Variants in ITPR1 observed in about 807,000 individuals in gnomAD.
ITPR1 encodes inositol 1,4,5-trisphosphate-gated calcium channel ITPR1.
ITPR1 carries 96 observed loss-of-function variants against 318.4 expected under a neutral mutation model. The observed-to-expected ratio is 0.30, with a 90% CI of 0.26 to 0.36. ITPR1 has a LOEUF of 0.36. Ranked by LOEUF, ITPR1 falls within the 10% of genes least tolerant of loss-of-function variation. The pLI is 1.00. For missense variants in ITPR1, 2,440 were observed against 3,460.2 expected (o/e 0.71, Z 7.40); for synonymous variants, 1,312 against 1,289.9 (o/e 1.02, Z -0.37).
chr3:4,507,099 A>AT (rs201789825), intron 2 of ITPR1, among the ~76,000 whole-genome samples: 3,885 of 137,582 alleles, frequency 0.028, 89 homozygotes, highest in African/African-American at 0.063. Flanking sequence ...AAGAGTAGCA[A>AT]TTTTTTTTTT....
chr3:4,673,874 G>A (rs549378995), intron 21 of ITPR1, among the ~76,000 whole-genome samples: 7 of 152,272 alleles, frequency 4.6e-5, no homozygotes, highest in South Asian at 4.1e-4. Flanking sequence ...GAGCCACCGC[G>A]CCTGGCCCCG....
chr3:4,738,109 T>C (rs1197957436), intron 44 of ITPR1, among the ~76,000 whole-genome samples: 2 of 152,056 alleles, frequency 1.3e-5, no homozygotes, highest in Non-Finnish European at 2.9e-5. Context: ...AACTAATGGG[T>C]ACTAGGTTTA....
chr3:4,603,952 T>C (rs1300548079), intron 4 of ITPR1, among the ~76,000 whole-genome samples: 1 of 152,220 alleles, frequency 6.6e-6, no homozygotes, highest in East Asian at 1.9e-4. Flanking sequence ...ACCAATAGTG[T>C]ATAAGTGTTT....
intron 61 of ITPR1, among the ~76,000 whole-genome samples, chr3:4,839,486 G>A (rs2051180908): frequency 6.6e-6 from 1 of 152,284 alleles, no homozygotes; most frequent in South Asian, 2.1e-4. Context: ...AGGGGTGTGT[G>A]TGTGTGTTTT....
intron 4 of ITPR1, among the ~76,000 whole-genome samples, chr3:4,559,624 G>A (rs2086478267): frequency 1.3e-5 from 2 of 152,154 alleles, no homozygotes; most frequent in Admixed American, 6.5e-5. Flanking sequence ...GGACATGCCT[G>A]CCAAAGCATT....
chr3:4,831,354 C>T (rs990977708), intron 60 of ITPR1: 13 of 252,688 alleles, frequency 5.1e-5, no homozygotes, highest in East Asian at 2.6e-4. Context: ...TTGTCTGCTC[C>T]GAGAGAGGAA....
chr3:4,541,780 C>T (rs909736186), intron 4 of ITPR1, among the ~76,000 whole-genome samples: 2 of 152,118 alleles, frequency 1.3e-5, no homozygotes, highest in African/African-American at 4.8e-5. Flanking sequence ...CACGTGCCAC[C>T]ATGCCCAGCT....
chr3:4,645,184 T>C lies in ITPR1; in HGVS notation c.625-203T>C, dbSNP rs370370164. Among the ~76,000 whole-genome samples, 34 of 152,296 alleles carry C rather than the reference T, an allele frequency of 2.2e-4. No homozygotes were observed. In the East Asian group the frequency reaches 6.4e-3, roughly 29 times the overall value. Reference sequence around the variant, plus strand: ...TCATGGTTGGAATGTGCATAGTGATTGGTGCAAATGAACCATTTATTTCCA... The same window carrying C: ...TCATGGTTGGAATGTGCATAGTGATCGGTGCAAATGAACCATTTATTTCCA... On this transcript the variant is annotated intron_variant, in intron 8 of 61. Coordinates refer to ENST00000649015, the MANE Select transcript of ITPR1 (RefSeq NM_001378452.1).
rs748113481 is a variant in ITPR1, at chr3:4,676,611, T to C, written c.2780-3T>C. On this transcript the variant is annotated splice_region_variant and splice_polypyrimidine_tract_variant and intron_variant, in intron 23 of 61. Coordinates refer to ENST00000649015, the MANE Select transcript of ITPR1 (RefSeq NM_001378452.1). ...GACCGTGGTCTCTCCTGGCCTTTCC[T>C]AGGCAGTAACGTGATGAGATCTATT... 2.7e-5 allele frequency: 44 copies of C among 1,613,008 alleles called. No homozygotes were observed. Among genetic ancestry groups the C allele is most frequent in the Non-Finnish European group, 3.6e-5 (43 of 1,179,406 alleles).
intron 35 of ITPR1, among the ~76,000 whole-genome samples, chr3:4,700,919 C>T (rs376393899): frequency 5.9e-5 from 9 of 152,196 alleles, no homozygotes; most frequent in South Asian, 2.1e-4. Context: ...TCAGATCATG[C>T]GAGACTCATT....
At chr3:4,556,799 C>G (rs574010267) in intron 4 of ITPR1, among the ~76,000 whole-genome samples, 2 of 152,060 alleles carry the variant, frequency 1.3e-5, no homozygotes, top group South Asian at 4.1e-4. Context: ...TTTGTGTGGA[C>G]TTATTTTTTC....
At chr3:4,707,469 G>C (rs776641052) in intron 37 of ITPR1, among the ~76,000 whole-genome samples, 1 of 152,224 alleles carries the variant, frequency 6.6e-6, no homozygotes, top group Non-Finnish European at 1.5e-5. Context: ...CCCAAGATGA[G>C]TGTGTGTAGA....
chr3:4,751,841 G>A (rs1467597363), intron 44 of ITPR1, among the ~76,000 whole-genome samples: 1 of 152,174 alleles, frequency 6.6e-6, no homozygotes, highest in Non-Finnish European at 1.5e-5. Flanking sequence ...GGACAGTGAA[G>A]GCGCCTCATG....
chr3:4,703,039 C>G, intron 36 of ITPR1, 89 bp downstream of exon 36: 1 of 1,428,428 alleles, frequency 7.0e-7, no homozygotes, highest in Non-Finnish European at 9.6e-7. Flanking sequence ...CTCATTACAA[C>G]TCTTCTAAAG....
intron 30 of ITPR1, 96 bp from the exon 31 acceptor site, chr3:4,688,399 C>T: frequency 6.7e-7 from 1 of 1,483,722 alleles, no homozygotes; most frequent in South Asian, 1.2e-5. Flanking sequence ...CCAGCAAACA[C>T]CTTCTGACTC....
intron 59 of ITPR1, chr3:4,816,145 A>G (rs1445486100): frequency 3.3e-5 from 5 of 152,186 alleles, no homozygotes; most frequent in African/African-American, 9.7e-5. Context: ...ATTAAAACAG[A>G]TCCAATACTG....
intron 52 of ITPR1, among the ~76,000 whole-genome samples, chr3:4,792,432 C>T (rs2047625486): frequency 6.6e-6 from 1 of 152,194 alleles, no homozygotes; most frequent in African/African-American, 2.4e-5. Context: ...TTTATTTCCT[C>T]ACAGTTTCTT....
chr3:4,574,133 G>C lies in ITPR1; in HGVS notation c.163+53039G>C, dbSNP rs190166493. Among the ~76,000 whole-genome samples the C allele has an allele frequency of 6.6e-5, 10 of 152,122 alleles. No individual in the cohort carries two copies. In the East Asian group the frequency reaches 1.9e-3, roughly 29 times the overall value. Reference sequence around the variant, plus strand: ...CTACCATTTCTAGCCAATTTCTCCAGCTAGAAATAATTTATGGGCTATTAT... The same window carrying C: ...CTACCATTTCTAGCCAATTTCTCCACCTAGAAATAATTTATGGGCTATTAT... On this transcript the variant is annotated intron_variant, in intron 4 of 61. Transcript: ENST00000649015.
chr3:4,645,028 T>C (rs573587732), intron 8 of ITPR1, among the ~76,000 whole-genome samples: 6 of 152,244 alleles, frequency 3.9e-5, no homozygotes, highest in Non-Finnish European at 8.8e-5. Context: ...CTCATTTTTT[T>C]TCCCTTTATG....
Sources: gnomAD v4.1 joint callset for allele counts (sites outside exome capture counted in the v4.1 genomes callset) on GRCh38, gnomAD v4.1.1 for gene constraint, MANE v1.5 for transcripts, NCBI Gene and HGNC (gene_info 2026-07-23, HGNC 2026-07-21) for gene names.